The following SUSD4 variants were observed in gnomAD, a reference collection of about 807,000 sequenced individuals.
SUSD4 encodes the protein sushi domain containing 4, also known as sushi domain-containing protein 4.
SUSD4 carries 41 observed loss-of-function variants against 50.5 expected under a neutral mutation model. The ratio of observed to expected loss-of-function variants is 0.81; its 90% CI spans 0.63 to 1.05. SUSD4 has a LOEUF of 1.05. Ranked by LOEUF, SUSD4 falls within the 50% of genes least tolerant of loss-of-function variation. The pLI, the probability that SUSD4 is intolerant of heterozygous loss-of-function variation, is 0.00. For synonymous variants in SUSD4, 257 were observed against 257.3 expected (o/e 1.00, Z 0.01); for missense variants, 580 against 634.7 (o/e 0.91, Z 0.93).
At chr1:223,279,725 G>A (rs1251680796) in intron 3 of SUSD4, among the ~76,000 whole-genome samples, 4 of 152,084 alleles carry the variant, frequency 2.6e-5, no homozygotes, top group Admixed American at 1.3e-4. Flanking sequence ...TCAAATTCAG[G>A]AAATACAGAG....
At chr1:223,310,373 C>G (rs1177010643) in intron 2 of SUSD4, among the ~76,000 whole-genome samples, 1 of 152,184 alleles carries the variant, frequency 6.6e-6, no homozygotes, top group Admixed American at 6.5e-5. Context: ...TTCTCAGGAG[C>G]ACCTGTACAT....
intron 3 of SUSD4, among the ~76,000 whole-genome samples, chr1:223,291,392 T>C (rs1053337805): frequency 2.7e-5 from 4 of 145,778 alleles, no homozygotes; most frequent in African/African-American, 1.1e-4. Flanking sequence ...ACTTGGGAGA[T>C]TGAGGTGGGA....
chr1:223,341,058 C>G (rs1379617167), intron 2 of SUSD4, among the ~76,000 whole-genome samples: 1 of 152,248 alleles, frequency 6.6e-6, no homozygotes. Flanking sequence ...CCTCTCGAAA[C>G]AGATACTGTA....
intron 2 of SUSD4, among the ~76,000 whole-genome samples, chr1:223,338,173 C>CA (rs2103291199): frequency 6.6e-6 from 1 of 152,260 alleles, no homozygotes; most frequent in South Asian, 2.1e-4. Flanking sequence ...AAAATAGAGA[C>CA]ACAAATTAAC....
chr1:223,236,729 T>C (rs1660249958), intron 5 of SUSD4, among the ~76,000 whole-genome samples: 1 of 152,112 alleles, frequency 6.6e-6, no homozygotes, highest in Non-Finnish European at 1.5e-5. Context: ...ATTATTTCAC[T>C]AATACCATGC....
chr1:223,231,143 G>A lies in SUSD4; in HGVS notation c.725-1755C>T, dbSNP rs1659871636. ...TCTATCCCGCGGGAACTGGAGCCCG[G>A]GGAAACTCAGACCCCGCTGGAGATG... On this transcript the variant is annotated intron_variant, in intron 5 of 8. Coordinates refer to ENST00000366878, the MANE Select transcript of SUSD4 (RefSeq NM_017982.4). This position sits in a 1 kb window ranked among gnomAD's most constrained non-coding sequence, Gnocchi z 4.2. 6.6e-6 allele frequency among the ~76,000 whole-genome samples: 1 copy of A among 152,096 alleles called. No individual in the cohort carries two copies. Among genetic ancestry groups the A allele is most frequent in the Admixed American group, 6.5e-5 (1 of 15,274 alleles).
Position 223,304,793 on chromosome 1 carries a change from CATATATATATATATATAT to C in SUSD4, c.149-12160_149-12143del, listed in dbSNP as rs57599818. On this transcript the variant is annotated intron_variant, in intron 2 of 8. Coordinates refer to ENST00000366878, the MANE Select transcript of SUSD4 (RefSeq NM_017982.4). ...TTAACCTCTCTGTGTCTCAGGTTTC[CATATATATATATATATAT>C]ATATATATATATATATATATATATA... Among the ~76,000 whole-genome samples, 116 of 53,564 alleles carry C rather than the reference CATATATATATATATATAT, an allele frequency of 2.2e-3. 1 individual carries two copies. Among genetic ancestry groups the C allele is most frequent in the Middle Eastern group, 9.6e-3 (1 of 104 alleles). 35.1% of individuals were successfully genotyped at this position (53,564 alleles called of 152,430 possible).
intron 2 of SUSD4, among the ~76,000 whole-genome samples, chr1:223,321,830 G>A (rs1666590251): frequency 6.6e-6 from 1 of 152,200 alleles, no homozygotes; most frequent in African/African-American, 2.4e-5. Flanking sequence ...CTGTGATATG[G>A]CAGTATGTGT....
At chr1:223,295,435 T>C (rs1409944693) in intron 2 of SUSD4, among the ~76,000 whole-genome samples, 1 of 152,132 alleles carries the variant, frequency 6.6e-6, no homozygotes, top group Non-Finnish European at 1.5e-5. Flanking sequence ...CTCATAATGT[T>C]GGGGTGGGGC....
chr1:223,275,757 A>T lies in SUSD4; in HGVS notation c.362-7082T>A, dbSNP rs149007886. The stretch of plus-strand genomic sequence containing the variant: ...ATGAAGTCAAACACTGAGAACCACC[A>T]TGTGATGGGCTATGCAAGGTCAGTC... On this transcript the variant is annotated intron_variant, in intron 3 of 8. Transcript: ENST00000366878. Among the ~76,000 whole-genome samples, 374 of 151,424 alleles carry T rather than the reference A, an allele frequency of 2.5e-3. 1 individual carries two copies. Among genetic ancestry groups the T allele is most frequent in the Middle Eastern group, 0.01 (3 of 294 alleles).
intron 3 of SUSD4, among the ~76,000 whole-genome samples, chr1:223,271,913 T>C (rs1246620301): frequency 6.6e-6 from 1 of 152,196 alleles, no homozygotes; most frequent in Non-Finnish European, 1.5e-5. Context: ...TAATTTTCTA[T>C]AGCATAAACT....
At chr1:223,304,161 G>T (rs1201069341) in intron 2 of SUSD4, among the ~76,000 whole-genome samples, 4 of 152,166 alleles carry the variant, frequency 2.6e-5, no homozygotes, top group African/African-American at 9.7e-5. Flanking sequence ...CTCCACAAGG[G>T]TCGCATTCCA....
At chr1:223,352,048 G>A (rs1353998569) in intron 2 of SUSD4, among the ~76,000 whole-genome samples, 1 of 152,180 alleles carries the variant, frequency 6.6e-6, no homozygotes, top group Non-Finnish European at 1.5e-5. Context: ...TAGAGGCCAG[G>A]TAGCCAGCTC....
chr1:223,363,501 C>T (rs1669125708), intron 1 of SUSD4, 41 bp from the exon 2 acceptor site: 1 of 1,395,758 alleles, frequency 7.2e-7, no homozygotes, highest in Non-Finnish European at 9.5e-7. Flanking sequence ...CCAGTCTGTC[C>T]GGGCTCGGGG....
chr1:223,227,970 C>A lies in SUSD4; in HGVS notation c.917-232G>T, dbSNP rs756380097. 3.3e-5 allele frequency among the ~76,000 whole-genome samples: 5 copies of A among 152,200 alleles called. No individual in the cohort carries two copies. The highest frequency in any genetic ancestry group is 6.5e-5 in the Admixed American group (1 of 15,284). ...AGCATGGGCTCTGCCAGGTTGCAGA[C>A]CTGCATGCTCACATTCCAGTCCCAG... On this transcript the variant is annotated intron_variant, in intron 6 of 8. Transcript: ENST00000366878. This position sits in a 1 kb window ranked among gnomAD's most constrained non-coding sequence, Gnocchi z 4.5.
At chr1:223,254,211 G>A (rs1477528904) in intron 5 of SUSD4, among the ~76,000 whole-genome samples, 2 of 152,186 alleles carry the variant, frequency 1.3e-5, no homozygotes, top group Non-Finnish European at 2.9e-5. Context: ...ATGGTGGGGA[G>A]AGGGGATTAT....
intron 2 of SUSD4, among the ~76,000 whole-genome samples, chr1:223,345,912 G>A (rs939393168): frequency 3.3e-5 from 5 of 151,994 alleles, no homozygotes; most frequent in Non-Finnish European, 5.9e-5. Context: ...TACCTCCTCC[G>A]GGCCTTCAGC....
chr1:223,273,108 A>G (rs1313210302), intron 3 of SUSD4, among the ~76,000 whole-genome samples: 1 of 152,218 alleles, frequency 6.6e-6, no homozygotes, highest in African/African-American at 2.4e-5. Context: ...TTAATTATGT[A>G]TGGGTCTTGG....
intron 3 of SUSD4, among the ~76,000 whole-genome samples, chr1:223,270,647 G>T (rs1662852490): frequency 6.6e-6 from 1 of 152,090 alleles, no homozygotes; most frequent in Non-Finnish European, 1.5e-5. Context: ...TCAGCTCACT[G>T]CAACCTCCAC....
Sources: allele counts gnomAD v4.1 joint callset (sites outside exome capture counted in the v4.1 genomes callset), GRCh38; gene constraint gnomAD v4.1.1; non-coding constraint Gnocchi (gnomAD v3.1); transcripts MANE v1.5; gene names NCBI Gene and HGNC (gene_info 2026-07-23, HGNC 2026-07-21).